Variants in DPP10 observed in about 807,000 individuals in gnomAD.
DPP10 encodes dipeptidyl peptidase like 10.
A neutral mutation model predicts 120.9 loss-of-function variants in DPP10; 33 were observed. The ratio of observed to expected loss-of-function variants is 0.27; its 90% confidence interval spans 0.21 to 0.37. The LOEUF is 0.37. Ranked by LOEUF, DPP10 falls within the 10% of genes least tolerant of loss-of-function variation. DPP10 has a pLI of 1.00. For missense variants in DPP10, 816 were observed against 942.8 expected (o/e 0.87, Z 1.76); for synonymous variants, 337 against 326.1 (o/e 1.03, Z -0.36).
At chr2:114,987,793 G>A (rs953283663) in intron 1 of DPP10, among the ~76,000 whole-genome samples, 6 of 51,080 alleles carry the variant, frequency 1.2e-4, no homozygotes, top group Non-Finnish European at 2.6e-4. Context: ...CTCCTTGAGT[G>A]TGGAGACTGT....
intron 1 of DPP10, among the ~76,000 whole-genome samples, chr2:114,601,283 GTCCTCTAATGAAC>G (rs1279900129): frequency 6.6e-6 from 1 of 151,836 alleles, no homozygotes; most frequent in East Asian, 1.9e-4. Flanking sequence ...GTGCCACCAA[GTCCTCTAATGAAC>G]AACCTTTGCT....
At chr2:115,052,635 A>G (rs1705588156) in intron 1 of DPP10, among the ~76,000 whole-genome samples, 1 of 152,166 alleles carries the variant, frequency 6.6e-6, no homozygotes, top group Admixed American at 6.6e-5. Flanking sequence ...ATACCACTTC[A>G]TACCCACTAG....
At chr2:114,575,179 AT>A (rs1689962495) in intron 1 of DPP10, among the ~76,000 whole-genome samples, 1 of 152,132 alleles carries the variant, frequency 6.6e-6, no homozygotes, top group African/African-American at 2.4e-5. Context: ...TTGGTGTGCA[AT>A]TTAGGAGAGA....
At chr2:115,787,479 G>A (rs184163930) in intron 17 of DPP10, among the ~76,000 whole-genome samples, 1 of 152,120 alleles carries the variant, frequency 6.6e-6, no homozygotes, top group African/African-American at 2.4e-5. Context: ...AAAATACTAA[G>A]AACAGATTAG....
chr2:114,656,027 C>G (rs142280131), intron 1 of DPP10, among the ~76,000 whole-genome samples: 41 of 152,190 alleles, frequency 2.7e-4, no homozygotes, highest in African/African-American at 9.9e-4. Context: ...GGTGAATTGA[C>G]TACAGGGGGC....
Position 115,768,418 on chromosome 2 carries a change from T to G in DPP10, c.1221+14T>G. The G allele has an allele frequency of 6.2e-7, 1 of 1,605,454 alleles. No individual in the cohort carries two copies. On this transcript the variant is annotated intron_variant, in intron 13 of 25. Transcript: ENST00000410059. ...TTCCTCATCCAGGTAAGTGCTGGCT[T>G]TTTTCCATGTTTTGATTTCATTGTC... is the stretch of plus-strand genomic sequence containing the variant.
At chr2:115,190,602 CAG>C (rs1386652108) in intron 1 of DPP10, among the ~76,000 whole-genome samples, 2 of 152,158 alleles carry the variant, frequency 1.3e-5, no homozygotes, top group African/African-American at 4.8e-5. Flanking sequence ...AAGTTAACAT[CAG>C]GGGCTGGAGG....
chr2:115,744,283 C>T lies in DPP10; in HGVS notation c.853-1803C>T, dbSNP rs532175941. Among the ~76,000 whole-genome samples, 13 of 150,132 alleles carry T rather than the reference C, an allele frequency of 8.7e-5. 1 individual carries two copies. Among genetic ancestry groups the T allele is most frequent in the Non-Finnish European group, 1.0e-4 (7 of 67,830 alleles). ...GTGTCAGGCTGTAAAGTTCAACATACGAGACCCAGCTAGAGAAATGGTAGG... is the reference window on the plus strand; with the variant it reads ...GTGTCAGGCTGTAAAGTTCAACATATGAGACCCAGCTAGAGAAATGGTAGG... On this transcript the variant is annotated intron_variant, in intron 9 of 25. Coordinates refer to ENST00000410059, the MANE Select transcript of DPP10 (RefSeq NM_020868.6).
intron 1 of DPP10, among the ~76,000 whole-genome samples, chr2:114,680,525 T>C (rs866462288): frequency 1.2e-4 from 18 of 152,148 alleles, no homozygotes; most frequent in Middle Eastern, 6.8e-3. Flanking sequence ...CTTTCTTCTT[T>C]AAAAGCTAAT....
intron 1 of DPP10, among the ~76,000 whole-genome samples, chr2:114,765,103 G>A (rs1680597027): frequency 6.6e-6 from 1 of 152,140 alleles, no homozygotes; most frequent in South Asian, 2.1e-4. Flanking sequence ...GAGGGGGCCT[G>A]TAACATGGCA....
chr2:115,730,402 C>A (rs1248916790), intron 8 of DPP10, among the ~76,000 whole-genome samples: 1 of 152,140 alleles, frequency 6.6e-6, no homozygotes, highest in African/African-American at 2.4e-5. Flanking sequence ...CAAGCATTAA[C>A]AAGGAGCAGT....
chr2:115,273,309 CAG>C (rs2059776756), intron 1 of DPP10, among the ~76,000 whole-genome samples: 1 of 151,920 alleles, frequency 6.6e-6, no homozygotes, highest in South Asian at 2.1e-4. Flanking sequence ...ACCGTTTTTT[CAG>C]AGTTTCTTGA....
At chr2:114,834,259 A>C (rs201171407) in intron 1 of DPP10, among the ~76,000 whole-genome samples, 123 of 97,114 alleles carry the variant, frequency 1.3e-3, no homozygotes, top group East Asian at 5.9e-3. Flanking sequence ...TATATATAAG[A>C]CATATCTACA....
intron 1 of DPP10, among the ~76,000 whole-genome samples, chr2:114,481,111 G>A (rs1191398018): frequency 1.3e-5 from 2 of 151,344 alleles, no homozygotes; most frequent in African/African-American, 4.9e-5. Context: ...ATCCAAAAAA[G>A]GAACAAATGA....
chr2:114,838,149 C>T (rs1273633031), intron 1 of DPP10, among the ~76,000 whole-genome samples: 1 of 152,116 alleles, frequency 6.6e-6, no homozygotes, highest in Non-Finnish European at 1.5e-5. Context: ...GTGGCCATAT[C>T]ACCTCCACTA....
chr2:114,848,331 T>G (rs6748939), intron 1 of DPP10, among the ~76,000 whole-genome samples: 2 of 152,124 alleles, frequency 1.3e-5, no homozygotes, highest in African/African-American at 4.8e-5. Flanking sequence ...GAGTCCAAGA[T>G]TCACAAAACC....
chr2:114,696,760 G>A (rs1478485197), intron 1 of DPP10, among the ~76,000 whole-genome samples: 1 of 151,866 alleles, frequency 6.6e-6, no homozygotes, highest in African/African-American at 2.4e-5. Context: ...CCAAGGTGGA[G>A]AGGTGAATGA....
chr2:115,306,714 A>G (rs1231060497), intron 1 of DPP10, among the ~76,000 whole-genome samples: 1 of 152,130 alleles, frequency 6.6e-6, no homozygotes, highest in Non-Finnish European at 1.5e-5. Context: ...GGAACCACAC[A>G]TTCTTATGTG....
chr2:115,752,385 A>G (rs1367269611), intron 10 of DPP10, among the ~76,000 whole-genome samples: 2 of 152,308 alleles, frequency 1.3e-5, no homozygotes, highest in East Asian at 3.9e-4. Context: ...TATGTGTTAC[A>G]AAGGAAGATA....
Sources: gnomAD v4.1 joint callset for allele counts (sites outside exome capture counted in the v4.1 genomes callset) on GRCh38, gnomAD v4.1.1 for gene constraint, MANE v1.5 for transcripts, NCBI Gene and HGNC (gene_info 2026-07-23, HGNC 2026-07-21) for gene names.